The following CNOT9 variants were observed in gnomAD, a reference collection of about 807,000 sequenced individuals.
CNOT9 encodes CCR4-NOT transcription complex subunit 9, also known as RCD1 required for cell differentiation1 homolog.
CNOT9 carries 8 observed loss-of-function variants against 37.4 expected under a neutral mutation model. The observed-to-expected ratio is 0.21, with a 90% CI of 0.13 to 0.39. The LOEUF (loss-of-function observed/expected upper bound fraction) is 0.39, where lower values mean the gene tolerates loss of function less well. Ranked by LOEUF, CNOT9 falls within the 10% of genes least tolerant of loss-of-function variation. The pLI, the probability that CNOT9 is intolerant of heterozygous loss-of-function variation, is 1.00. For missense variants in CNOT9, 154 were observed against 365.3 expected (o/e 0.42, Z 4.71); for synonymous variants, 120 against 137.6 (o/e 0.87, Z 0.90).
At chr2:218,576,275 A>T (rs1158055198) in intron 1 of CNOT9, among the ~76,000 whole-genome samples, 1 of 152,226 alleles carries the variant, frequency 6.6e-6, no homozygotes, top group Admixed American at 6.5e-5. Flanking sequence ...TTTATCAATC[A>T]TCTGGTTATA....
At position 218,578,359 on chromosome 2, in the gene CNOT9, C is replaced by A. The variant is rs142212159; in HGVS notation, c.25-2202C>A. ...CAATGAAGCTTCCATTTTTAAAAGG[C>A]CATTATTCAGATTGGGTAGAGTAAA... On this transcript the variant is annotated intron_variant, in intron 1 of 7. Coordinates refer to ENST00000273064, the MANE Select transcript of CNOT9 (RefSeq NM_005444.3). Among the ~76,000 whole-genome samples the A allele has an allele frequency of 2.1e-3, 313 of 152,244 alleles. 1 individual carries two copies. The highest frequency in any genetic ancestry group is 7.3e-3 in the African/African-American group (304 of 41,556).
chr2:218,570,276 A>T (rs2106075216), intron 1 of CNOT9, among the ~76,000 whole-genome samples: 1 of 152,348 alleles, frequency 6.6e-6, no homozygotes, highest in East Asian at 1.9e-4. Flanking sequence ...CTGAAATTGT[A>T]TTATCAGGCA....
Position 218,595,245 on chromosome 2 carries a change from T to G in CNOT9, c.*969T>G, listed in dbSNP as rs1348819653. 6.6e-6 allele frequency: 1 copy of G among 151,626 alleles called. No individual in the cohort carries two copies. Among genetic ancestry groups the G allele is most frequent in the Non-Finnish European group, 1.5e-5 (1 of 67,918 alleles). The allele number at this position is 151,626 out of a possible 1,614,324, so 9.4% of individuals were successfully genotyped here. On this transcript the variant is annotated 3_prime_UTR_variant, in exon 8 of 8. Coordinates refer to ENST00000273064, the MANE Select transcript of CNOT9 (RefSeq NM_005444.3). ...TTTCTCAATAACTCTAAAAGGGAGGTGCTTGGGATTAAGGTGACAGTCCAC... is the reference window on the plus strand; with the variant it reads ...TTTCTCAATAACTCTAAAAGGGAGGGGCTTGGGATTAAGGTGACAGTCCAC...
chr2:218,574,118 C>T (rs750282792), intron 1 of CNOT9: 10 of 339,072 alleles, frequency 2.9e-5, no homozygotes, highest in East Asian at 1.1e-4. Flanking sequence ...TACAGGCAAA[C>T]GACACCACAC....
rs1559251624 is a variant in CNOT9 at position 218,592,576 on chromosome 2, G to C, written c.640-40G>C. On this transcript the variant is annotated intron_variant, in intron 6 of 7. Coordinates refer to ENST00000273064, the MANE Select transcript of CNOT9 (RefSeq NM_005444.3). The surrounding 1 kb of genome is among the most constrained non-coding windows in gnomAD (Gnocchi z 4.1). The stretch of plus-strand genomic sequence containing the variant: ...CAATTAGAATTTGTTTGTGTTTTGT[G>C]TGTTTTTTCCAACCCCTCCCCTTAT... 6.3e-7 allele frequency: 1 copy of C among 1,593,370 alleles called. No individual in the cohort carries two copies. The highest frequency in any genetic ancestry group is 1.7e-5 in the Admixed American group (1 of 59,996).
chr2:218,584,759 C>CA (rs763311133), intron 4 of CNOT9, 38 bp downstream of exon 4: 1 of 1,376,550 alleles, frequency 7.3e-7, no homozygotes, highest in Non-Finnish European at 1.0e-6. Flanking sequence ...CTGAAATACT[C>CA]ACAGTAGTAG....
At chr2:218,572,628 C>G (rs1694036081) in intron 1 of CNOT9, 1 of 973,648 alleles carries the variant, frequency 1.0e-6, no homozygotes, top group East Asian at 1.1e-4. Context: ...GAGACCCTGT[C>G]TCAAAGGAAA....
At chr2:218,582,472 C>G (rs1034270474) in intron 2 of CNOT9, among the ~76,000 whole-genome samples, 1 of 152,170 alleles carries the variant, frequency 6.6e-6, no homozygotes, top group Non-Finnish European at 1.5e-5. Flanking sequence ...GGGCAGATCA[C>G]GAGGTCAGCA....
Position 218,578,664 on chromosome 2 carries a change from G to C in CNOT9, c.25-1897G>C, listed in dbSNP as rs548510476. Among the ~76,000 whole-genome samples, 9 of 151,594 alleles carry C rather than the reference G, an allele frequency of 5.9e-5. No individual in the cohort carries two copies. In the South Asian group the frequency reaches 1.9e-3, roughly 32 times the overall value. On this transcript the variant is annotated intron_variant, in intron 1 of 7. Transcript: ENST00000273064. ...TAGATAGCCTTCCCCCCCGCCTCCC[G>C]CTCCTTCTTTTATTTCTCATGGTTG... is the stretch of plus-strand genomic sequence containing the variant.
At chr2:218,583,994 C>CTTTGT (rs1660694626) in intron 3 of CNOT9, among the ~76,000 whole-genome samples, 1 of 152,088 alleles carries the variant, frequency 6.6e-6, no homozygotes, top group Non-Finnish European at 1.5e-5. Context: ...ATAATGGCTG[C>CTTTGT]TTTGTTTTGT....
intron 5 of CNOT9, among the ~76,000 whole-genome samples, chr2:218,590,797 CTTGTTGTTG>C (rs72308011): frequency 1.4e-4 from 21 of 150,818 alleles, no homozygotes; most frequent in Admixed American, 8.0e-4. Flanking sequence ...CTACATCTCT[CTTGTTGTTG>C]TTGTTGTTGT....
intron 1 of CNOT9, among the ~76,000 whole-genome samples, chr2:218,570,771 C>G (rs191254892): frequency 3.9e-5 from 6 of 152,320 alleles, no homozygotes; most frequent in Admixed American, 3.3e-4. Context: ...CCTAATGCAT[C>G]TTTTAAACAA....
chr2:218,581,123 T>C (rs1694358519), intron 2 of CNOT9: 1 of 324,992 alleles, frequency 3.1e-6, no homozygotes. Flanking sequence ...AGGTACAATA[T>C]ATTCTATGGA....
Position 218,593,881 on chromosome 2 carries a change from A to T in CNOT9, c.732-227A>T, listed in dbSNP as rs1381783346. The stretch of plus-strand genomic sequence containing the variant: ...TTGAACCTTTTAATTTTGCTTTTTC[A>T]TGAAATTCTACATTGGGGCATCATT... On this transcript the variant is annotated intron_variant, in intron 7 of 7. Transcript: ENST00000273064. 3 of 1,132,170 alleles carry T rather than the reference A, an allele frequency of 2.6e-6. No homozygotes were observed. The African/African-American group carries it at 4.7e-5, about 18-fold the overall frequency. 70.1% of individuals were successfully genotyped at this position (1,132,170 alleles called of 1,614,324 possible).
intron 5 of CNOT9, among the ~76,000 whole-genome samples, chr2:218,590,063 T>TG (rs1559250502): frequency 7.7e-5 from 11 of 142,776 alleles, no homozygotes; most frequent in South Asian, 2.3e-4. Flanking sequence ...TGTTTTTTTT[T>TG]TTGTTGTTGT....
At chr2:218,570,693 A>G (rs1157110554) in intron 1 of CNOT9, among the ~76,000 whole-genome samples, 1 of 152,198 alleles carries the variant, frequency 6.6e-6, no homozygotes, top group East Asian at 1.9e-4. Flanking sequence ...TTTATCTTCG[A>G]TACTGAGCCA....
chr2:218,595,460 T>G lies in CNOT9; in HGVS notation c.*1184T>G, dbSNP rs2106102885. 8.0e-6 allele frequency: 1 copy of G among 124,890 alleles called. No homozygotes were observed. The highest frequency in any genetic ancestry group is 2.9e-4 in the South Asian group (1 of 3,428). The allele number at this position is 124,890 out of a possible 1,614,324, so 7.7% of individuals were successfully genotyped here. The stretch of plus-strand genomic sequence containing the variant: ...CCATTCTCTTTTAGTCTATGGGAAT[T>G]ACAGGGTTGCCGCTAAAATATTCAC... On this transcript the variant is annotated 3_prime_UTR_variant, in exon 8 of 8. Coordinates refer to ENST00000273064, the MANE Select transcript of CNOT9 (RefSeq NM_005444.3).
chr2:218,577,120 G>A (rs902977171), intron 1 of CNOT9, among the ~76,000 whole-genome samples: 1 of 152,114 alleles, frequency 6.6e-6, no homozygotes, highest in Non-Finnish European at 1.5e-5. Flanking sequence ...ACTTCTCTGT[G>A]CCTCAGATTT....
At chr2:218,580,807 C>T in intron 2 of CNOT9, 67 bp downstream of exon 2, 1 of 1,424,396 alleles carries the variant, frequency 7.0e-7, no homozygotes, top group Non-Finnish European at 9.7e-7. Flanking sequence ...TTTACCTTTG[C>T]CCAAATGATT....
Sources: allele counts gnomAD v4.1 joint callset (sites outside exome capture counted in the v4.1 genomes callset), GRCh38; gene constraint gnomAD v4.1.1; non-coding constraint Gnocchi (gnomAD v3.1); transcripts MANE v1.5; gene names NCBI Gene and HGNC (gene_info 2026-07-23, HGNC 2026-07-21).